Variants in AFF2 observed in about 807,000 individuals in gnomAD.
AFF2 encodes the protein AF4/FMR2 family member 2.
In AFF2, 14 loss-of-function variants were observed where a neutral mutation model predicts 76.9. That is an observed-to-expected ratio of 0.18 (90% CI 0.12 to 0.28). The LOEUF is 0.28. AFF2 is among the 10% of genes least tolerant of loss of function. The pLI, the probability that AFF2 is intolerant of heterozygous loss-of-function variation, is 1.00. For synonymous variants in AFF2, 398 were observed against 366.7 expected (o/e 1.09, Z -0.98); for missense variants, 868 against 1,001.1 (o/e 0.87, Z 1.79).
At chrX:148,939,699 C>A (rs1557285382) in intron 9 of AFF2, among the ~76,000 whole-genome samples, 1 of 112,121 alleles carries the variant, frequency 8.9e-6, no homozygotes, top group African/African-American at 3.2e-5. Context: ...GTTTTCACTT[C>A]TTAGCCAGCC....
At chrX:148,880,608 G>T (rs2071085908) in intron 7 of AFF2, among the ~76,000 whole-genome samples, 1 of 111,687 alleles carries the variant, frequency 9.0e-6, no homozygotes, top group African/African-American at 3.3e-5. Context: ...TACTCTGATT[G>T]CCATGAACTC....
intron 1 of AFF2, among the ~76,000 whole-genome samples, chrX:148,560,064 C>T (rs1161300798): frequency 1.8e-5 from 2 of 111,696 alleles, no homozygotes; most frequent in Non-Finnish European, 3.8e-5. Flanking sequence ...TTGTTGGCTG[C>T]AAAAATGTCT....
At chrX:148,974,831 A>G (rs2072301774) in intron 16 of AFF2, among the ~76,000 whole-genome samples, 1 of 111,485 alleles carries the variant, frequency 9.0e-6, no homozygotes, top group Non-Finnish European at 1.9e-5. Context: ...AAGCACCACC[A>G]CCATTCTGTA....
intron 1 of AFF2, among the ~76,000 whole-genome samples, chrX:148,530,450 G>C (rs2052716342): frequency 1.8e-5 from 2 of 111,859 alleles, no homozygotes; most frequent in Non-Finnish European, 3.8e-5. Flanking sequence ...AGGTGACTTG[G>C]CAAGTGTTGC....
chrX:148,612,422 T>C (rs891551824), intron 1 of AFF2, among the ~76,000 whole-genome samples: 1 of 112,499 alleles, frequency 8.9e-6, no homozygotes, highest in Admixed American at 9.4e-5. Context: ...AGCTATTGAA[T>C]ATACATTGCT....
At chrX:148,886,912 A>C (rs1319881841) in intron 8 of AFF2, among the ~76,000 whole-genome samples, 2 of 112,655 alleles carry the variant, frequency 1.8e-5, no homozygotes, top group Non-Finnish European at 3.8e-5. Flanking sequence ...TGAACATTTC[A>C]TGAGGAAGAG....
chrX:148,519,490 C>T (rs1438820336), intron 1 of AFF2, among the ~76,000 whole-genome samples: 12 of 111,743 alleles, frequency 1.1e-4, no homozygotes, highest in African/African-American at 3.3e-4. Context: ...TAATACGAAG[C>T]GGAAGAAACT....
At chrX:148,817,674 A>G (rs148109288) in intron 4 of AFF2, among the ~76,000 whole-genome samples, 1,575 of 112,170 alleles carry the variant, frequency 0.014, 36 homozygotes, top group African/African-American at 0.048. Flanking sequence ...CACAAAAAAG[A>G]AAATTGCATA....
rs782060455 is a variant in AFF2, at chrX:148,843,446, A to G, written c.1262+13A>G. The G allele has an allele frequency of 7.5e-6, 9 of 1,203,278 alleles. No individual in the cohort carries two copies. In the South Asian group the frequency reaches 1.6e-4, roughly 21 times the overall value. ...TGTCTTTCAAATCGTGAGTAGTTGG[A>G]TCTCCAAATCAGGCCTTTTTGGGGA... On this transcript the variant is annotated intron_variant, in intron 7 of 20. Coordinates refer to ENST00000370460, the MANE Select transcript of AFF2 (RefSeq NM_002025.4).
intron 3 of AFF2, among the ~76,000 whole-genome samples, chrX:148,753,916 T>C (rs2055531283): frequency 9.0e-6 from 1 of 111,504 alleles, no homozygotes; most frequent in East Asian, 2.8e-4. Context: ...CATAATTGGC[T>C]CTCAATCTTA....
chrX:148,974,814 CT>C (rs1179955093), intron 16 of AFF2, among the ~76,000 whole-genome samples: 1 of 111,446 alleles, frequency 9.0e-6, no homozygotes, highest in African/African-American at 3.3e-5. Context: ...ATTTTATATA[CT>C]GTGAAAAGCA....
At chrX:148,775,852 A>G (rs1048253228) in intron 3 of AFF2, among the ~76,000 whole-genome samples, 40 of 71,251 alleles carry the variant, frequency 5.6e-4, no homozygotes, top group African/African-American at 1.6e-3. Context: ...CATCCTCTCA[A>G]GATCCTTAAC....
At chrX:148,655,337 T>C (rs1403023293) in intron 2 of AFF2, among the ~76,000 whole-genome samples, 1 of 104,962 alleles carries the variant, frequency 9.5e-6, no homozygotes, top group Non-Finnish European at 1.9e-5. Context: ...CAGTCTAGAG[T>C]GCAGTGCGAC....
intron 2 of AFF2, among the ~76,000 whole-genome samples, chrX:148,656,171 C>A (rs996404266): frequency 1.8e-5 from 2 of 111,954 alleles, no homozygotes; most frequent in Non-Finnish European, 3.8e-5. Flanking sequence ...TGTTGACCAC[C>A]CCTAGATTTG....
At chrX:148,985,945 G>C (rs1230291066) in intron 19 of AFF2, among the ~76,000 whole-genome samples, 1 of 110,612 alleles carries the variant, frequency 9.0e-6, no homozygotes, top group Non-Finnish European at 1.9e-5. Context: ...GAGCATTGCA[G>C]TTGTAATTGT....
At chrX:148,701,063 A>G (rs2054792291) in intron 3 of AFF2, among the ~76,000 whole-genome samples, 1 of 94,062 alleles carries the variant, frequency 1.1e-5, no homozygotes, top group African/African-American at 4.1e-5. Flanking sequence ...TTTTGTGCCC[A>G]TGTGCACATG....
At chrX:148,881,337 A>G (rs962443972) in intron 7 of AFF2, among the ~76,000 whole-genome samples, 2 of 111,585 alleles carry the variant, frequency 1.8e-5, no homozygotes, top group Non-Finnish European at 3.8e-5. Context: ...ACAGGCCTAA[A>G]GACACGGTGC....
intron 7 of AFF2, among the ~76,000 whole-genome samples, chrX:148,872,712 G>A (rs1385708819): frequency 8.9e-6 from 1 of 111,872 alleles, no homozygotes; most frequent in Non-Finnish European, 1.9e-5. Context: ...AGTGGTGGTT[G>A]GGAAGTCCAT....
chrX:148,795,833 ATATATATATATATATATATATAT>A (rs1247205683), intron 3 of AFF2, among the ~76,000 whole-genome samples: 6 of 6,781 alleles, frequency 8.8e-4, no homozygotes, highest in Non-Finnish European at 1.6e-3. Context: ...AAAAAAAAAA[ATATATATATATATATATATATAT>A]ATATATATAT....
Sources: gnomAD v4.1 joint callset for allele counts (sites outside exome capture counted in the v4.1 genomes callset) on GRCh38, gnomAD v4.1.1 for gene constraint, MANE v1.5 for transcripts, NCBI Gene and HGNC (gene_info 2026-07-23, HGNC 2026-07-21) for gene names.